Variants in PCDH11X observed in about 807,000 individuals in gnomAD.
The protein encoded by PCDH11X is protocadherin-11 X-linked.
A neutral mutation model predicts 53.3 loss-of-function variants in PCDH11X; 18 were observed. That is an observed-to-expected ratio of 0.34 (90% CI 0.23 to 0.50). PCDH11X has a LOEUF of 0.50. Among genes scored for constraint, PCDH11X ranks in the 20% least tolerant of loss-of-function variants. The probability of loss-of-function intolerance (pLI) is 0.98; values close to 1 mark genes in which losing one functional copy is unlikely to be tolerated. For synonymous variants in PCDH11X, 279 were observed against 393.3 expected (o/e 0.71, Z 3.44); for missense variants, 570 against 1,032.4 (o/e 0.55, Z 6.14).
intron 5 of PCDH11X, among the ~76,000 whole-genome samples, chrX:91,858,367 C>T (rs1165432102): frequency 9.0e-6 from 1 of 111,536 alleles, no homozygotes; most frequent in Non-Finnish European, 1.9e-5. Flanking sequence ...AGTCATTTTC[C>T]CATTGTCTTC....
At chrX:92,231,051 G>A (rs2067066895) in intron 7 of PCDH11X, among the ~76,000 whole-genome samples, 1 of 111,547 alleles carries the variant, frequency 9.0e-6, no homozygotes. Context: ...ACATCTGCGA[G>A]TATGGAGAGC....
At chrX:92,371,070 C>T (rs2070611231) in intron 8 of PCDH11X, among the ~76,000 whole-genome samples, 1 of 111,472 alleles carries the variant, frequency 9.0e-6, no homozygotes, top group African/African-American at 3.3e-5. Flanking sequence ...CTGTTTTCAC[C>T]TTTTATCCTT....
intron 6 of PCDH11X, among the ~76,000 whole-genome samples, chrX:91,974,406 C>G (rs1198962145): frequency 9.0e-6 from 1 of 111,554 alleles, no homozygotes; most frequent in Non-Finnish European, 1.9e-5. Flanking sequence ...TGTAAGTGGT[C>G]AGGGTTTGCT....
chrX:92,379,979 C>T (rs1269812358), intron 8 of PCDH11X, among the ~76,000 whole-genome samples: 1 of 101,160 alleles, frequency 9.9e-6, no homozygotes, highest in Non-Finnish European at 2.1e-5. Context: ...AACACCACCC[C>T]CCCCACCCCA....
At chrX:91,867,821 G>T (rs1489806850) in intron 5 of PCDH11X, among the ~76,000 whole-genome samples, 1 of 111,477 alleles carries the variant, frequency 9.0e-6, no homozygotes, top group Admixed American at 9.6e-5. Flanking sequence ...ATGCACTTTA[G>T]TTAAAATCCA....
At chrX:92,568,489 T>C (rs1459412182) in intron 10 of PCDH11X, among the ~76,000 whole-genome samples, 1 of 108,375 alleles carries the variant, frequency 9.2e-6, no homozygotes, top group Non-Finnish European at 1.9e-5. Flanking sequence ...TCAGAATAAT[T>C]AGAAACTTAA....
At chrX:92,048,256 C>A (rs557821252) in intron 6 of PCDH11X, among the ~76,000 whole-genome samples, 52 of 96,095 alleles carry the variant, frequency 5.4e-4, no homozygotes, top group South Asian at 2.9e-3. Flanking sequence ...AAAAAAAAAA[C>A]CGACTTTCTC....
At chrX:92,332,429 T>A (rs940487951) in intron 8 of PCDH11X, among the ~76,000 whole-genome samples, 68 of 112,041 alleles carry the variant, frequency 6.1e-4, no homozygotes, top group African/African-American at 1.9e-3. Flanking sequence ...CATGCATGCC[T>A]CTGACATATA....
intron 10 of PCDH11X, among the ~76,000 whole-genome samples, chrX:92,567,023 G>A (rs760022475): frequency 6.7e-4 from 70 of 104,528 alleles, no homozygotes; most frequent in African/African-American, 2.4e-3. Context: ...TTTGGTTACC[G>A]TAGCCTTGTA....
At chrX:92,020,950 C>A (rs1219631145) in intron 6 of PCDH11X, among the ~76,000 whole-genome samples, 2 of 110,488 alleles carry the variant, frequency 1.8e-5, no homozygotes. Flanking sequence ...CCCAACTTCC[C>A]TACAGAAGAG....
chrX:92,118,977 G>C (rs763720552), intron 6 of PCDH11X, among the ~76,000 whole-genome samples: 1 of 109,785 alleles, frequency 9.1e-6, no homozygotes, highest in Non-Finnish European at 1.9e-5. Flanking sequence ...TCCTGACCTC[G>C]TGATCCGCCC....
At chrX:92,382,362 G>A (rs1205276142) in intron 8 of PCDH11X, among the ~76,000 whole-genome samples, 1 of 111,059 alleles carries the variant, frequency 9.0e-6, no homozygotes, top group Non-Finnish European at 1.9e-5. Context: ...GGTTGTATAA[G>A]TAATTCTAAT....
chrX:92,008,604 G>A (rs2062639452), intron 6 of PCDH11X, among the ~76,000 whole-genome samples: 1 of 107,495 alleles, frequency 9.3e-6, no homozygotes, highest in Admixed American at 1.0e-4. Context: ...ATGAGTGCTC[G>A]CCTGATTTTT....
At chrX:92,545,315 C>T (rs1365587487) in intron 10 of PCDH11X, among the ~76,000 whole-genome samples, 1 of 106,629 alleles carries the variant, frequency 9.4e-6, no homozygotes, top group Non-Finnish European at 1.9e-5. Flanking sequence ...ACATAAGAGA[C>T]ATGTAGTCTA....
chrX:92,148,157 C>T (rs867047232), intron 6 of PCDH11X, among the ~76,000 whole-genome samples: 6 of 20,820 alleles, frequency 2.9e-4, no homozygotes, highest in South Asian at 1.8e-3. Context: ...TCCTTCCTTC[C>T]TTCCTTCCTT....
intron 5 of PCDH11X, among the ~76,000 whole-genome samples, chrX:91,845,299 G>C (rs2147643502): frequency 9.2e-6 from 1 of 109,098 alleles, no homozygotes; most frequent in East Asian, 2.8e-4. Context: ...TACTGCTTTG[G>C]CTTGGAGGAT....
intron 6 of PCDH11X, among the ~76,000 whole-genome samples, chrX:92,101,608 T>G (rs181094107): frequency 0.024 from 2,619 of 110,985 alleles, 74 homozygotes; most frequent in African/African-American, 0.082. Flanking sequence ...AAGGCTAAAC[T>G]GAGGAATTAT....
At chrX:92,226,489 C>T (rs754398437) in intron 7 of PCDH11X, among the ~76,000 whole-genome samples, 43 of 111,396 alleles carry the variant, frequency 3.9e-4, no homozygotes, top group African/African-American at 8.5e-4. Flanking sequence ...GGTAGTATAG[C>T]GAATTTCTTT....
intron 5 of PCDH11X, among the ~76,000 whole-genome samples, chrX:91,862,289 C>T (rs1938717459): frequency 9.4e-6 from 1 of 106,246 alleles, no homozygotes; most frequent in African/African-American, 3.4e-5. Flanking sequence ...TAGTTATTGG[C>T]CTGTTCAGGA....
Sources: allele counts gnomAD v4.1 joint callset (sites outside exome capture counted in the v4.1 genomes callset), GRCh38; gene constraint gnomAD v4.1.1; transcripts MANE v1.5; gene names NCBI Gene and HGNC (gene_info 2026-07-23, HGNC 2026-07-21).